The following PCDHGA1 variants were observed in gnomAD, a reference collection of about 807,000 sequenced individuals.
PCDHGA1 encodes protocadherin gamma subfamily A, 1, also known as protocadherin gamma-A1.
A neutral mutation model predicts 58.0 loss-of-function variants in PCDHGA1; 32 were observed. That is an observed-to-expected ratio of 0.55 (90% CI 0.42 to 0.74). The LOEUF (loss-of-function observed/expected upper bound fraction) is 0.74, where lower values mean the gene tolerates loss of function less well. Among genes scored for constraint, PCDHGA1 ranks in the 30% least tolerant of loss-of-function variants. The pLI is 0.00. For synonymous variants in PCDHGA1, 498 were observed against 501.1 expected (o/e 0.99, Z 0.08); for missense variants, 1,205 against 1,182.3 (o/e 1.02, Z -0.28).
rs201120335 is a variant in PCDHGA1, at chr5:141,389,439, G to T, written c.2421+56334G>T. On this transcript the variant is annotated intron_variant, in intron 1 of 3. Transcript: ENST00000517417. ...GGTGGTGTTCGCGCAGCGCGCCTTC[G>T]ACCACGAGCAGCTGCGCGCCTTCGA... The T allele has an allele frequency of 4.0e-4, 652 of 1,610,462 alleles. No individual in the cohort carries two copies. The highest frequency in any genetic ancestry group is 5.4e-4 in the Non-Finnish European group (638 of 1,178,376).
chr5:141,382,462 T>C (rs1481999551), intron 1 of PCDHGA1, among the ~76,000 whole-genome samples: 24 of 152,240 alleles, frequency 1.6e-4, no homozygotes, highest in Admixed American at 1.6e-3. Flanking sequence ...AGCAGTTTTT[T>C]AAAAATTATC....
chr5:141,480,077 C>T (rs767048249), intron 1 of PCDHGA1, among the ~76,000 whole-genome samples: 2 of 152,142 alleles, frequency 1.3e-5, no homozygotes, highest in Non-Finnish European at 2.9e-5. Flanking sequence ...AAGATTCATG[C>T]ATGATATAAT....
At chr5:141,415,740 G>GTTTTTGTTTTTTTTTT (rs2095911468) in intron 1 of PCDHGA1, 1 of 515,998 alleles carries the variant, frequency 1.9e-6, no homozygotes, top group Non-Finnish European at 2.6e-6. Context: ...GTTTATTAAG[G>GTTTTTGTTTTTTTTTT]TTTTTTTTTT....
rs76381401 is a variant in PCDHGA1, at chr5:141,399,054, G to A, written c.2421+65949G>A. 4.7e-4 allele frequency: 759 copies of A among 1,613,694 alleles called. 3 individuals are homozygous for A. The African/African-American group carries it at 8.4e-3, about 18-fold the overall frequency. ...AGAAACTGGATTTTGAAGAGACCAAGGAATATTCAATGGTTGTAGAAGGGA... is the reference window on the plus strand; with the variant it reads ...AGAAACTGGATTTTGAAGAGACCAAAGAATATTCAATGGTTGTAGAAGGGA... On this transcript the variant is annotated intron_variant, in intron 1 of 3. Coordinates refer to ENST00000517417, the MANE Select transcript of PCDHGA1 (RefSeq NM_018912.3).
At position 141,485,833 on chromosome 5, in the gene PCDHGA1, G is replaced by A. The variant is rs780944737; in HGVS notation, c.2422-8974G>A. 64 of 1,613,904 alleles carry A rather than the reference G, an allele frequency of 4.0e-5. No homozygotes were observed. Among genetic ancestry groups the A allele is most frequent in the Non-Finnish European group, 2.5e-6 (3 of 1,180,004 alleles). On this transcript the variant is annotated intron_variant, in intron 1 of 3. Coordinates refer to ENST00000517417, the MANE Select transcript of PCDHGA1 (RefSeq NM_018912.3). This position sits in a 1 kb window ranked among gnomAD's most constrained non-coding sequence, Gnocchi z 5.7. Reference sequence around the variant, plus strand: ...TGACTGCTGTCGATGGAGGGAACCCGCCGAGATCTGGCACCGCAGAGCTCC... The same window carrying A: ...TGACTGCTGTCGATGGAGGGAACCCACCGAGATCTGGCACCGCAGAGCTCC...
chr5:141,375,903 G>A lies in PCDHGA1; in HGVS notation c.2421+42798G>A, dbSNP rs535123838. ...GGCCAGAACGCCTGGCTGTCCTACC[G>A]CCTGCTCAAGGCCAGCGAGCCAGGA... On this transcript the variant is annotated intron_variant, in intron 1 of 3. Transcript: ENST00000517417. 54 of 1,613,696 alleles carry A rather than the reference G, an allele frequency of 3.3e-5. No individual in the cohort carries two copies. In the South Asian group the frequency reaches 5.6e-4, roughly 17 times the overall value.
chr5:141,414,647 T>C (rs1369045439), intron 1 of PCDHGA1: 3 of 1,613,926 alleles, frequency 1.9e-6, no homozygotes, highest in South Asian at 2.2e-5. Flanking sequence ...AATGCCCAGA[T>C]TATTTACTCC....
chr5:141,486,379 G>A lies in PCDHGA1; in HGVS notation c.2422-8428G>A. 2 of 1,614,094 alleles carry A rather than the reference G, an allele frequency of 1.2e-6. No individual in the cohort carries two copies. Among genetic ancestry groups the A allele is most frequent in the Non-Finnish European group, 1.7e-6 (2 of 1,180,000 alleles). ...CATTTGCCCTCAAGTCTGCCTTCAG[G>A]AACCAGTTCTCCCTGGTGACTGCTG... On this transcript the variant is annotated intron_variant, in intron 1 of 3. Transcript: ENST00000517417. The surrounding 1 kb of genome is among the most constrained non-coding windows in gnomAD (Gnocchi z 5.0).
chr5:141,384,807 T>C, intron 1 of PCDHGA1: 1 of 1,613,400 alleles, frequency 6.2e-7, no homozygotes, highest in Non-Finnish European at 8.5e-7. Context: ...TGGACAGAGA[T>C]GCCCTCAAGC....
At chr5:141,348,119 A>G (rs1758067701) in intron 1 of PCDHGA1, among the ~76,000 whole-genome samples, 1 of 152,234 alleles carries the variant, frequency 6.6e-6, no homozygotes, top group Admixed American at 6.5e-5. Context: ...TTATGAAATT[A>G]TTTTCACTCA....
At chr5:141,349,875 G>A (rs919038227) in intron 1 of PCDHGA1, among the ~76,000 whole-genome samples, 1 of 152,078 alleles carries the variant, frequency 6.6e-6, no homozygotes, top group African/African-American at 2.4e-5. Flanking sequence ...AATGATGAAG[G>A]CCCTTATCTG....
chr5:141,370,197 G>A (rs1766736161), intron 1 of PCDHGA1: 1 of 536,070 alleles, frequency 1.9e-6, no homozygotes, highest in Non-Finnish European at 3.2e-6. Flanking sequence ...CTAGTGCTGT[G>A]CAAAATATTG....
chr5:141,478,381 C>T (rs931860600), intron 1 of PCDHGA1: 22 of 1,613,664 alleles, frequency 1.4e-5, no homozygotes, highest in Non-Finnish European at 1.8e-5. Flanking sequence ...TGTCGCCGCA[C>T]CTTTACCATC....
In PCDHGA1 at chr5:141,491,908, G is replaced by T; in HGVS notation, c.2422-2899G>T. ...GGGGCTCCGAGCACCGGGGGTGGTG[G>T]CGACTGTGGGCGAGGGGAGGTGGGA... On this transcript the variant is annotated intron_variant, in intron 1 of 3. Transcript: ENST00000517417. The surrounding 1 kb of genome is among the most constrained non-coding windows in gnomAD (Gnocchi z 6.9). 7.1e-7 allele frequency: 1 copy of T among 1,408,288 alleles called. No homozygotes were observed. Among genetic ancestry groups the T allele is most frequent in the Non-Finnish European group, 9.4e-7 (1 of 1,060,836 alleles). The allele number at this position is 1,408,288 out of a possible 1,614,324, so 87.2% of individuals were successfully genotyped here. A position where few individuals can be genotyped will look rare whatever the true frequency, so the allele number is the denominator to read the frequency against.
chr5:141,450,110 G>C (rs2098669636), intron 1 of PCDHGA1, among the ~76,000 whole-genome samples: 1 of 147,716 alleles, frequency 6.8e-6, no homozygotes. Context: ...AGGTTCAAAT[G>C]ATTCTCCTGC....
intron 1 of PCDHGA1, chr5:141,362,237 T>A (rs1381834832): frequency 1.2e-6 from 2 of 1,614,026 alleles, no homozygotes; most frequent in Non-Finnish European, 8.5e-7. Flanking sequence ...TTGATCTCAG[T>A]GCTCTTCTTC....
At chr5:141,405,868 C>T (rs528188485) in intron 1 of PCDHGA1, among the ~76,000 whole-genome samples, 1 of 152,280 alleles carries the variant, frequency 6.6e-6, no homozygotes, top group Non-Finnish European at 1.5e-5. Context: ...TCACTTTTCA[C>T]TGGGCCTAAT....
chr5:141,401,546 ATGCTATT>A (rs1372970930), intron 1 of PCDHGA1, among the ~76,000 whole-genome samples: 1 of 152,214 alleles, frequency 6.6e-6, no homozygotes, highest in African/African-American at 2.4e-5. Context: ...AAAAAAGGAA[ATGCTATT>A]GCCTGAATTT....
chr5:141,346,283 G>A (rs748040438), intron 1 of PCDHGA1: 9 of 1,614,214 alleles, frequency 5.6e-6, no homozygotes, highest in Middle Eastern at 1.7e-4. Context: ...GGGCTTTCCT[G>A]CAGACCTATT....
Sources: gnomAD v4.1 joint callset for allele counts (sites outside exome capture counted in the v4.1 genomes callset) on GRCh38, gnomAD v4.1.1 for gene constraint, Gnocchi (gnomAD v3.1) non-coding constraint, MANE v1.5 for transcripts, NCBI Gene and HGNC (gene_info 2026-07-23, HGNC 2026-07-21) for gene names.